Variants in SH3KBP1 observed in about 807,000 individuals in gnomAD.
SH3KBP1 encodes the protein SH3 domain-containing kinase-binding protein 1.
SH3KBP1 carries 8 observed loss-of-function variants against 50.1 expected under a neutral mutation model. That is an observed-to-expected ratio of 0.16 (90% CI 0.09 to 0.29). The LOEUF (loss-of-function observed/expected upper bound fraction) is 0.29. Ranked by LOEUF, SH3KBP1 falls within the 10% of genes least tolerant of loss-of-function variation. SH3KBP1 has a pLI of 1.00. For missense variants in SH3KBP1, 377 were observed against 535.2 expected (o/e 0.70, Z 2.92); for synonymous variants, 227 against 218.6 (o/e 1.04, Z -0.34).
intron 2 of SH3KBP1, among the ~76,000 whole-genome samples, chrX:19,760,413 C>A (rs113352503): frequency 0.026 from 2,757 of 106,588 alleles, 103 homozygotes; most frequent in African/African-American, 0.089. Context: ...TACATACATA[C>A]ATACATACAT....
intron 12 of SH3KBP1, among the ~76,000 whole-genome samples, chrX:19,572,414 C>CAT (rs10696319): frequency 0.28 from 27,532 of 99,226 alleles, 3,640 homozygotes; most frequent in African/African-American, 0.52. Context: ...ATAGTACATA[C>CAT]ATGTTATATA....
chrX:19,780,227 G>A (rs1473587552), intron 2 of SH3KBP1, among the ~76,000 whole-genome samples: 1 of 106,715 alleles, frequency 9.4e-6, no homozygotes, highest in Non-Finnish European at 1.9e-5. Flanking sequence ...TCTTTTGGCT[G>A]CATAAATGTC....
chrX:19,753,256 T>C (rs1428525671), intron 2 of SH3KBP1, among the ~76,000 whole-genome samples: 2 of 112,095 alleles, frequency 1.8e-5, no homozygotes, highest in Non-Finnish European at 3.8e-5. Flanking sequence ...AGTCCTGCTC[T>C]ATTGCTTTCT....
intron 2 of SH3KBP1, among the ~76,000 whole-genome samples, chrX:19,748,168 C>A (rs1047241263): frequency 8.9e-6 from 1 of 112,177 alleles, no homozygotes; most frequent in African/African-American, 3.2e-5. Flanking sequence ...TGTGCACGTG[C>A]AAATTCCCCA....
intron 6 of SH3KBP1, among the ~76,000 whole-genome samples, chrX:19,672,475 A>G (rs888268026): frequency 4.5e-5 from 5 of 111,517 alleles, no homozygotes; most frequent in African/African-American, 1.3e-4. Context: ...AGCGATAAGT[A>G]TGGAATTAAT....
In SH3KBP1 at chrX:19,871,201, G is replaced by A. The variant is rs1425634638; in HGVS notation, c.4+16106C>T. On this transcript the variant is annotated intron_variant, in intron 1 of 17. Coordinates refer to ENST00000397821, the MANE Select transcript of SH3KBP1 (RefSeq NM_031892.3). ...GGTTTAACTGCTTATTTTGTTGGGC[G>A]ATTCATAAAATGACCACATCACAAT... Among the ~76,000 whole-genome samples, 5 of 112,261 alleles carry A rather than the reference G, an allele frequency of 4.5e-5. No individual in the cohort carries two copies. The East Asian group carries it at 1.4e-3, about 31-fold the overall frequency.
At chrX:19,639,106 A>G (rs753138825) in intron 7 of SH3KBP1, among the ~76,000 whole-genome samples, 2 of 111,548 alleles carry the variant, frequency 1.8e-5, no homozygotes, top group Non-Finnish European at 3.8e-5. Context: ...CCCAAATGTC[A>G]ATACTGCTGA....
At chrX:19,561,072 T>TAAA (rs1278440852) in intron 13 of SH3KBP1, among the ~76,000 whole-genome samples, 2 of 48,100 alleles carry the variant, frequency 4.2e-5, no homozygotes, top group East Asian at 6.8e-4. Context: ...AGACCCTGTC[T>TAAA]AAAAAAAAAA....
At chrX:19,754,949 T>C (rs999445066) in intron 2 of SH3KBP1, among the ~76,000 whole-genome samples, 1 of 112,368 alleles carries the variant, frequency 8.9e-6, no homozygotes, top group African/African-American at 3.2e-5. Context: ...TCAAAATGAA[T>C]TTACTCATTT....
chrX:19,791,362 G>A (rs1301262032), intron 2 of SH3KBP1, among the ~76,000 whole-genome samples: 1 of 111,366 alleles, frequency 9.0e-6, no homozygotes, highest in Non-Finnish European at 1.9e-5. Context: ...AGGAGAAGCT[G>A]AAAACAACCC....
intron 6 of SH3KBP1, among the ~76,000 whole-genome samples, chrX:19,680,920 T>C (rs1203188914): frequency 8.9e-6 from 1 of 111,990 alleles, no homozygotes; most frequent in East Asian, 2.8e-4. Flanking sequence ...CAGCACATGG[T>C]TTCATTCTGC....
At chrX:19,705,057 C>T (rs758037062) in intron 4 of SH3KBP1, among the ~76,000 whole-genome samples, 44 of 112,115 alleles carry the variant, frequency 3.9e-4, no homozygotes, top group African/African-American at 1.3e-3. Flanking sequence ...TCTTCTATGC[C>T]TTGCCAACAG....
At chrX:19,643,300 A>T (rs893651911) in intron 7 of SH3KBP1, among the ~76,000 whole-genome samples, 9 of 86,908 alleles carry the variant, frequency 1.0e-4, no homozygotes, top group Non-Finnish European at 1.7e-4. Context: ...AAACTGAAGA[A>T]TTTTTTATTT....
At chrX:19,634,031 G>T (rs1028721372) in intron 7 of SH3KBP1, among the ~76,000 whole-genome samples, 1 of 32,159 alleles carries the variant, frequency 3.1e-5, no homozygotes, top group Non-Finnish European at 6.0e-5. Context: ...TTTGTTCCCT[G>T]GTGTGTGTGT....
rs1161203557 is a variant in SH3KBP1, at chrX:19,535,084, C to G, written c.*1333G>C. The G allele has an allele frequency of 1.7e-5, 5 of 295,629 alleles. No homozygotes were observed. Among genetic ancestry groups the G allele is most frequent in the Non-Finnish European group, 2.9e-5 (5 of 169,973 alleles). 24.4% of individuals were successfully genotyped at this position (295,629 alleles called of 1,213,427 possible). A position where few individuals can be genotyped will look rare whatever the true frequency, so the allele number is the denominator to read the frequency against. On this transcript the variant is annotated 3_prime_UTR_variant, in exon 18 of 18. Coordinates refer to ENST00000397821, the MANE Select transcript of SH3KBP1 (RefSeq NM_031892.3). ...AAGGGACCACCCCCTCCACCCCTAC[C>G]CCTGAACAGTCTCGCAATACAGTAG...
In SH3KBP1 at chrX:19,536,235, G is replaced by A; in HGVS notation, c.*182C>T. 1.3e-5 allele frequency: 5 copies of A among 376,529 alleles called. No homozygotes were observed. Among genetic ancestry groups the A allele is most frequent in the Non-Finnish European group, 2.4e-5 (5 of 211,387 alleles). 31.0% of individuals were successfully genotyped at this position (376,529 alleles called of 1,213,427 possible). A position where few individuals can be genotyped will look rare whatever the true frequency, so the allele number is the denominator to read the frequency against. On this transcript the variant is annotated 3_prime_UTR_variant, in exon 18 of 18. Transcript: ENST00000397821. ...AGTGCCAGCCCCAGGACTAAACCCT[G>A]GGGAAGATTCTCCTCTTGGATGGAA... is the stretch of plus-strand genomic sequence containing the variant.
intron 9 of SH3KBP1, among the ~76,000 whole-genome samples, chrX:19,598,440 C>T (rs974110537): frequency 5.4e-5 from 6 of 111,060 alleles, no homozygotes; most frequent in Non-Finnish European, 9.4e-5. Flanking sequence ...TGGAGCAGCA[C>T]TTTTAATTTC....
intron 2 of SH3KBP1, among the ~76,000 whole-genome samples, chrX:19,759,294 C>T (rs1385936497): frequency 1.8e-5 from 2 of 111,491 alleles, no homozygotes; most frequent in African/African-American, 6.5e-5. Context: ...CATTCCTTCA[C>T]TCCCTAAGAC....
chrX:19,799,866 G>C, intron 2 of SH3KBP1: 1 of 956,129 alleles, frequency 1.0e-6, no homozygotes, highest in Non-Finnish European at 1.4e-6. Flanking sequence ...TGGTTTTTTT[G>C]TAATTCTTTG....
Sources: gnomAD v4.1 joint callset for allele counts (sites outside exome capture counted in the v4.1 genomes callset) on GRCh38, gnomAD v4.1.1 for gene constraint, MANE v1.5 for transcripts, NCBI Gene and HGNC (gene_info 2026-07-23, HGNC 2026-07-21) for gene names.